TNR: variants seen among roughly 807,000 people sequenced by gnomAD.
TNR encodes the protein tenascin-R.
In TNR, 45 loss-of-function variants were observed where a neutral mutation model predicts 150.4. The observed-to-expected ratio is 0.30, with a 90% confidence interval of 0.24 to 0.38. TNR has a LOEUF of 0.38. Ranked by LOEUF, TNR falls within the 10% of genes least tolerant of loss-of-function variation. The pLI, the probability that TNR is intolerant of heterozygous loss-of-function variation, is 1.00. For synonymous variants in TNR, 687 were observed against 678.4 expected (o/e 1.01, Z -0.20); for missense variants, 1,544 against 1,759.1 (o/e 0.88, Z 2.19).
intron 1 of TNR, among the ~76,000 whole-genome samples, chr1:175,578,117 G>A (rs990250146): frequency 6.6e-6 from 1 of 152,276 alleles, no homozygotes. Flanking sequence ...GACCTCTCGG[G>A]TCTGTAGTTG....
intron 2 of TNR, among the ~76,000 whole-genome samples, chr1:175,485,469 G>A (rs1307278956): frequency 6.6e-6 from 1 of 152,158 alleles, no homozygotes; most frequent in Non-Finnish European, 1.5e-5. Context: ...TTTGGGGTGG[G>A]GTGGGCACAG....
chr1:175,405,787 G>A (rs1653926580), intron 3 of TNR, among the ~76,000 whole-genome samples: 1 of 152,160 alleles, frequency 6.6e-6, no homozygotes, highest in South Asian at 2.1e-4. Flanking sequence ...AGTGAACAGA[G>A]CGTCTGCATT....
intron 2 of TNR, among the ~76,000 whole-genome samples, chr1:175,497,027 A>G (rs975385222): frequency 6.6e-6 from 1 of 152,204 alleles, no homozygotes; most frequent in South Asian, 2.1e-4. Flanking sequence ...AGATCCCAAA[A>G]GAACAAAGCT....
Position 175,386,268 on chromosome 1 carries a change from T to A in TNR, c.1541A>T (p.Asp514Val). 4 of 1,583,956 alleles carry A rather than the reference T, an allele frequency of 2.5e-6. No individual in the cohort carries two copies. The highest frequency in any genetic ancestry group is 3.5e-6 in the Non-Finnish European group (4 of 1,159,110). ...CACAAAAGCCACAGTGTCCGAGACA[T>A]CGCGAACCAGGATCTGCGTGGGGCC... ...IDGPTQILVRDVSDTVAFVEW... is the reference protein window; with the variant it reads ...IDGPTQILVRVVSDTVAFVEW... Residue 514 changes from aspartate to valine, a missense_variant, in exon 8 of 23, where the codon GAT (aspartate) becomes GTT (valine). Asp to Val is a radical substitution (Grantham distance 152). Around this residue, in one of 2 missense-constraint regions of TNR, gnomAD observed 1,254 missense variants for 1,329.4 expected, o/e 0.94. Transcript: ENST00000367674.
At position 175,641,348 on chromosome 1, in the gene TNR, A is replaced by G. The variant is rs149147194; in HGVS notation, c.-165+101878T>C. 1.4e-3 allele frequency among the ~76,000 whole-genome samples: 218 copies of G among 152,304 alleles called. 3 individuals are homozygous for G. Among genetic ancestry groups the G allele is most frequent in the African/African-American group, 5.0e-3 (209 of 41,564 alleles). On this transcript the variant is annotated intron_variant, in intron 1 of 22. Coordinates refer to ENST00000367674, the MANE Select transcript of TNR (RefSeq NM_003285.3). ...GAGAGAGAAAGAAAGTGAGGGAGAG[A>G]GAAAGAACATCAATTTTGTGGTTTG...
At chr1:175,441,550 T>C (rs1027818010) in intron 2 of TNR, among the ~76,000 whole-genome samples, 1 of 152,196 alleles carries the variant, frequency 6.6e-6, no homozygotes, top group African/African-American at 2.4e-5. Context: ...ATTATAGACA[T>C]GGACAACATT....
chr1:175,660,152 A>G (rs563269492), intron 1 of TNR, among the ~76,000 whole-genome samples: 11 of 152,318 alleles, frequency 7.2e-5, no homozygotes, highest in South Asian at 2.1e-4. Flanking sequence ...AAATGAAAGC[A>G]TTGAACTAGC....
intron 1 of TNR, among the ~76,000 whole-genome samples, chr1:175,705,704 T>C (rs1666829126): frequency 6.6e-6 from 1 of 152,166 alleles, no homozygotes; most frequent in Non-Finnish European, 1.5e-5. Context: ...CCCATGTGTC[T>C]TGATTTCAGC....
intron 1 of TNR, among the ~76,000 whole-genome samples, chr1:175,535,957 A>G (rs1190258995): frequency 6.6e-6 from 1 of 152,164 alleles, no homozygotes; most frequent in Admixed American, 6.5e-5. Context: ...ATTTTTCACC[A>G]ATAGAAATCA....
At chr1:175,505,394 G>C (rs1337229407) in intron 2 of TNR, among the ~76,000 whole-genome samples, 2 of 152,250 alleles carry the variant, frequency 1.3e-5, no homozygotes, top group Non-Finnish European at 2.9e-5. Flanking sequence ...CGAGCAGGGA[G>C]ACCGCGCGCT....
At chr1:175,661,036 A>G (rs1369280352) in intron 1 of TNR, among the ~76,000 whole-genome samples, 1 of 152,218 alleles carries the variant, frequency 6.6e-6, no homozygotes, top group Non-Finnish European at 1.5e-5. Context: ...TGATGCTCAG[A>G]GTTCTTGGGT....
chr1:175,689,506 G>A (rs1666295239), intron 1 of TNR, among the ~76,000 whole-genome samples: 1 of 152,120 alleles, frequency 6.6e-6, no homozygotes, highest in Non-Finnish European at 1.5e-5. Flanking sequence ...CGCAGGCTAT[G>A]GCTGGCCAGG....
intron 2 of TNR, among the ~76,000 whole-genome samples, chr1:175,503,733 T>G (rs1320177172): frequency 6.6e-6 from 1 of 152,208 alleles, no homozygotes; most frequent in African/African-American, 2.4e-5. Context: ...GCATTCAAGC[T>G]GAGCAATTTG....
chr1:175,403,875 TCTTAGGATGGATTC>T (rs1653834004), intron 3 of TNR, among the ~76,000 whole-genome samples: 1 of 152,198 alleles, frequency 6.6e-6, no homozygotes, highest in Admixed American at 6.5e-5. Flanking sequence ...CTTTAAGGTG[TCTTAGGATGGATTC>T]CTTAGAAGTA....
chr1:175,556,022 A>G (rs1328275958), intron 1 of TNR, among the ~76,000 whole-genome samples: 2 of 152,268 alleles, frequency 1.3e-5, no homozygotes, highest in Non-Finnish European at 2.9e-5. Flanking sequence ...TAGAATAATC[A>G]TGTAGAAATT....
At chr1:175,509,149 G>C (rs1571540153) in intron 2 of TNR, among the ~76,000 whole-genome samples, 1 of 152,320 alleles carries the variant, frequency 6.6e-6, no homozygotes, top group Non-Finnish European at 1.5e-5. Flanking sequence ...TGCTGGGGCA[G>C]TTGTTTCTAG....
At position 175,320,239 on chromosome 1, in the gene TNR, A is replaced by C. The variant is rs1025969784; in HGVS notation, c.*3118T>G. On this transcript the variant is annotated 3_prime_UTR_variant, in exon 23 of 23. Coordinates refer to ENST00000367674, the MANE Select transcript of TNR (RefSeq NM_003285.3). ...CTTTGGGAAATGCAGTTGTGCTTGG[A>C]GGAGCAGGATAAGCAGGAATCAGCG... is the stretch of plus-strand genomic sequence containing the variant. 3 of 152,334 alleles carry C rather than the reference A, an allele frequency of 2.0e-5. No individual in the cohort carries two copies. The highest frequency in any genetic ancestry group is 7.2e-5 in the African/African-American group (3 of 41,436). The allele number at this position is 152,334 out of a possible 1,614,324, so 9.4% of individuals were successfully genotyped here.
At chr1:175,448,337 G>T (rs547115683) in intron 2 of TNR, among the ~76,000 whole-genome samples, 4 of 152,032 alleles carry the variant, frequency 2.6e-5, no homozygotes, top group African/African-American at 7.2e-5. Flanking sequence ...CCTGTCTCCC[G>T]AGTAGCTGGG....
intron 1 of TNR, among the ~76,000 whole-genome samples, chr1:175,702,400 C>T (rs12408049): frequency 0.059 from 8,918 of 152,260 alleles, 338 homozygotes; most frequent in East Asian, 0.17. Flanking sequence ...GTCCCAGAAA[C>T]ATTGATTTTT....
Sources: allele counts gnomAD v4.1 joint callset (sites outside exome capture counted in the v4.1 genomes callset), GRCh38; gene constraint gnomAD v4.1.1; regional missense constraint gnomAD v4.1.1; transcripts MANE v1.5; gene names NCBI Gene and HGNC (gene_info 2026-07-23, HGNC 2026-07-21).